AKT3: variants seen among roughly 807,000 people sequenced by gnomAD.
AKT3 encodes AKT serine/threonine kinase 3.
Under a neutral mutation model 65.3 loss-of-function variants are expected in AKT3, and 15 were observed. That is an observed-to-expected ratio of 0.23 (90% CI 0.15 to 0.35). The LOEUF is 0.35. Ranked by LOEUF, AKT3 falls within the 10% of genes least tolerant of loss-of-function variation. The pLI is 1.00. For missense variants in AKT3, 243 were observed against 576.5 expected, an observed-to-expected ratio of 0.42 and a Z score of 5.92; for synonymous variants, 206 against 183.8, an observed-to-expected ratio of 1.12 and a Z score of -0.98.
At chr1:243,665,260 T>C (rs1192687823) in intron 3 of AKT3, among the ~76,000 whole-genome samples, 4 of 152,192 alleles carry the variant, frequency 2.6e-5, no homozygotes, top group Non-Finnish European at 5.9e-5. Context: ...CAAATATTAT[T>C]CCTTCCATGA....
At chr1:243,649,416 C>T (rs79197197) in intron 4 of AKT3, among the ~76,000 whole-genome samples, 7 of 150,814 alleles carry the variant, frequency 4.6e-5, no homozygotes, top group Admixed American at 2.0e-4. Context: ...TATACACATA[C>T]ACACATACAT....
intron 3 of AKT3, among the ~76,000 whole-genome samples, chr1:243,689,412 A>C (rs1387836138): frequency 6.6e-6 from 1 of 151,868 alleles, no homozygotes; most frequent in Non-Finnish European, 1.5e-5. Context: ...TATGTCCACT[A>C]GAAGTATTAA....
intron 2 of AKT3, among the ~76,000 whole-genome samples, chr1:243,753,802 T>G (rs901898517): frequency 1.3e-5 from 2 of 152,184 alleles, no homozygotes. Context: ...AATAGGAACA[T>G]TGAGATATTT....
At chr1:243,523,149 A>G (rs1055175859) in intron 12 of AKT3, among the ~76,000 whole-genome samples, 19 of 152,144 alleles carry the variant, frequency 1.2e-4, no homozygotes, top group African/African-American at 4.6e-4. Context: ...ATCCAGAGCT[A>G]CTATGCCCAG....
intron 2 of AKT3, among the ~76,000 whole-genome samples, chr1:243,836,338 G>A (rs1694886437): frequency 6.6e-6 from 1 of 151,586 alleles, no homozygotes; most frequent in Non-Finnish European, 1.5e-5. Context: ...ACATCAAGAA[G>A]ATATAACAAC....
intron 6 of AKT3, among the ~76,000 whole-genome samples, chr1:243,625,530 A>AT (rs1200715428): frequency 1.3e-5 from 2 of 152,188 alleles, no homozygotes; most frequent in Non-Finnish European, 2.9e-5. Context: ...AGCTTGAGCT[A>AT]TGGCTGTTAG....
rs1208058790 is a variant in AKT3 at position 243,502,698 on chromosome 1, C to T, written c.*2551G>A. 2 of 233,092 alleles carry T rather than the reference C, an allele frequency of 8.6e-6. No individual in the cohort carries two copies. The highest frequency in any genetic ancestry group is 1.7e-5 in the Non-Finnish European group (2 of 118,038). The allele number at this position is 233,092 out of a possible 1,614,324, so 14.4% of individuals were successfully genotyped here. A position where few individuals can be genotyped will look rare whatever the true frequency, so the allele number is the denominator to read the frequency against. On this transcript the variant is annotated 3_prime_UTR_variant, in exon 14 of 14. Coordinates refer to ENST00000673466, the MANE Select transcript of AKT3 (RefSeq NM_005465.7). ...AAATAGGGGATTCTCAAAATCAAAG[C>T]CAAGAAGACACCTTGTGTGACACCA...
chr1:243,542,938 A>G (rs535678351), intron 12 of AKT3, among the ~76,000 whole-genome samples: 148 of 152,320 alleles, frequency 9.7e-4, no homozygotes, highest in African/African-American at 3.4e-3. Flanking sequence ...AAGCCTGTAG[A>G]TGGCACCAAT....
intron 8 of AKT3, among the ~76,000 whole-genome samples, chr1:243,590,636 A>T (rs1482643543): frequency 6.6e-6 from 1 of 152,192 alleles, no homozygotes; most frequent in Non-Finnish European, 1.5e-5. Flanking sequence ...TAGAGATAAA[A>T]CAAACAACAT....
intron 12 of AKT3, among the ~76,000 whole-genome samples, chr1:243,544,619 A>T (rs1672533935): frequency 6.6e-6 from 1 of 152,164 alleles, no homozygotes; most frequent in Non-Finnish European, 1.5e-5. Flanking sequence ...CTTGCCTCAA[A>T]AAATAAATAA....
intron 4 of AKT3, among the ~76,000 whole-genome samples, chr1:243,657,271 C>T (rs190414733): frequency 9.9e-4 from 150 of 152,252 alleles, no homozygotes; most frequent in African/African-American, 3.5e-3. Context: ...AATTTGCCAG[C>T]ACCTTGAACT....
At chr1:243,693,191 TTAATTATC>T (rs1684812692) in intron 3 of AKT3, among the ~76,000 whole-genome samples, 1 of 133,404 alleles carries the variant, frequency 7.5e-6, no homozygotes, top group South Asian at 2.4e-4. Context: ...AGTAATATCT[TTAATTATC>T]AGAAAAATGA....
At chr1:243,526,778 T>A (rs1671115839) in intron 12 of AKT3, among the ~76,000 whole-genome samples, 3 of 55,726 alleles carry the variant, frequency 5.4e-5, no homozygotes, top group Non-Finnish European at 7.1e-5. Flanking sequence ...CAAAAAATGG[T>A]TAAAAAAAAA....
intron 2 of AKT3, among the ~76,000 whole-genome samples, chr1:243,721,158 C>A (rs1207263669): frequency 6.6e-6 from 1 of 152,128 alleles, no homozygotes; most frequent in East Asian, 1.9e-4. Flanking sequence ...ACTACTCTAA[C>A]CTTCCCCTCA....
chr1:243,774,499 T>C (rs1690423185), intron 2 of AKT3, among the ~76,000 whole-genome samples: 1 of 152,224 alleles, frequency 6.6e-6, no homozygotes, highest in African/African-American at 2.4e-5. Context: ...GTATTTTTTC[T>C]CTCAAGTTTG....
At chr1:243,727,709 T>A (rs760175565) in intron 2 of AKT3, among the ~76,000 whole-genome samples, 3 of 152,146 alleles carry the variant, frequency 2.0e-5, no homozygotes, top group Non-Finnish European at 4.4e-5. Context: ...AAGTTTCACA[T>A]CCTCTTTCTT....
chr1:243,646,131 C>A (rs530921210), intron 4 of AKT3, 94 bp from the exon 5 acceptor site: 2 of 1,102,434 alleles, frequency 1.8e-6, no homozygotes, highest in South Asian at 1.7e-5. Flanking sequence ...CAAATAAAAT[C>A]TATTCAGAGA....
At chr1:243,637,826 C>A in intron 5 of AKT3, 84 bp from the exon 6 acceptor site, 1 of 911,468 alleles carries the variant, frequency 1.1e-6, no homozygotes, top group African/African-American at 1.7e-5. Context: ...TTGCAATATC[C>A]ACTCAAAACC....
chr1:243,701,269 A>G (rs983236700), intron 2 of AKT3, among the ~76,000 whole-genome samples: 12 of 152,242 alleles, frequency 7.9e-5, no homozygotes, highest in Admixed American at 2.6e-4. Flanking sequence ...ATCTTCAGAA[A>G]TAATTCAGCC....
Sources: gnomAD v4.1 joint callset for allele counts (sites outside exome capture counted in the v4.1 genomes callset) on GRCh38, gnomAD v4.1.1 for gene constraint, MANE v1.5 for transcripts, NCBI Gene and HGNC (gene_info 2026-07-23, HGNC 2026-07-21) for gene names.